Variants in VRK2 observed in about 807,000 individuals in gnomAD.
VRK2 encodes serine/threonine-protein kinase VRK2.
VRK2 carries 60 observed loss-of-function variants against 57.6 expected under a neutral mutation model. That is an observed-to-expected ratio of 1.04 (90% CI 0.85 to 1.29). The LOEUF is 1.29. Among genes scored for constraint, VRK2 ranks in the 50% most tolerant of loss-of-function variants. VRK2 has a pLI of 0.00. For synonymous variants in VRK2, 231 were observed against 199.2 expected, an observed-to-expected ratio of 1.16 and a Z score of -1.35; for missense variants, 705 against 588.1, an observed-to-expected ratio of 1.20 and a Z score of -2.06.
intron 7 of VRK2, among the ~76,000 whole-genome samples, chr2:58,089,961 G>T (rs1467162292): frequency 6.6e-6 from 1 of 152,166 alleles, no homozygotes; most frequent in Non-Finnish European, 1.5e-5. Flanking sequence ...TTAAGAAGTG[G>T]CTGAGCAGGA....
At position 58,015,634 on chromosome 2, in the gene VRK2, TAA is replaced by T. The variant is rs151210660; in HGVS notation, c.-438-10026_-438-10025del. Among the ~76,000 whole-genome samples, 40 of 152,270 alleles carry T rather than the reference TAA, an allele frequency of 2.6e-4. 1 individual carries two copies. Among genetic ancestry groups the T allele is most frequent in the Admixed American group, 1.2e-3 (18 of 15,296 alleles). On this transcript the variant is annotated intron_variant, in intron 1 of 15. Transcript: ENST00000417641. The stretch of plus-strand genomic sequence containing the variant: ...TTGTTATCATACATATTTATGTGTA[TAA>T]AAAATAAAATTTATTTAAGTGTTTT...
intron 7 of VRK2, among the ~76,000 whole-genome samples, chr2:58,112,342 CTCAAAAGATATTACT>C (rs1675692602): frequency 6.6e-6 from 1 of 152,212 alleles, no homozygotes; most frequent in Admixed American, 6.5e-5. Flanking sequence ...ATAATAGAAC[CTCAAAAGATATTACT>C]TCATTTCTTC....
chr2:58,019,897 T>C (rs1673697851), intron 1 of VRK2, among the ~76,000 whole-genome samples: 1 of 152,114 alleles, frequency 6.6e-6, no homozygotes, highest in Non-Finnish European at 1.5e-5. Context: ...AGAAGGCGAA[T>C]ACAAATACAC....
At chr2:57,958,707 C>T (rs1671664208) in intron 1 of VRK2, among the ~76,000 whole-genome samples, 1 of 152,030 alleles carries the variant, frequency 6.6e-6, no homozygotes, top group Non-Finnish European at 1.5e-5. Flanking sequence ...ATGATTTAGA[C>T]AGTATTCAGA....
At position 57,913,102 on chromosome 2, in the gene VRK2, G is replaced by A. The variant is rs560526872; in HGVS notation, c.-439+5263G>A. Among the ~76,000 whole-genome samples, 5 of 152,216 alleles carry A rather than the reference G, an allele frequency of 3.3e-5. No homozygotes were observed. In the South Asian group the frequency reaches 8.3e-4, roughly 25 times the overall value. On this transcript the variant is annotated intron_variant, in intron 1 of 15. Coordinates refer to the VRK2 transcript ENST00000417641. The stretch of plus-strand genomic sequence containing the variant: ...CAAATGCTTGTTGTTTAAACCATAC[G>A]GTCTATGATATTTTTGTTATAGCAG...
At chr2:58,140,879 A>G (rs565961140) in intron 11 of VRK2, among the ~76,000 whole-genome samples, 1 of 152,192 alleles carries the variant, frequency 6.6e-6, no homozygotes, top group African/African-American at 2.4e-5. Context: ...AATCATTCCT[A>G]ATAGAAGAGA....
intron 12 of VRK2, among the ~76,000 whole-genome samples, chr2:58,158,186 A>G (rs1684285183): frequency 6.6e-6 from 1 of 152,162 alleles, no homozygotes; most frequent in African/African-American, 2.4e-5. Context: ...ATTTGATAGC[A>G]TAATTATTAT....
chr2:58,064,544 C>G (rs10203014), intron 2 of VRK2, among the ~76,000 whole-genome samples: 1 of 152,028 alleles, frequency 6.6e-6, no homozygotes, highest in Non-Finnish European at 1.5e-5. Context: ...TAATAAACTA[C>G]AGTATAGTGT....
chr2:58,041,556 G>GA (rs1674456516), intron 3 of VRK2, among the ~76,000 whole-genome samples: 2 of 151,732 alleles, frequency 1.3e-5, no homozygotes. Context: ...ACCAGGCCCT[G>GA]AAAAAAAATG....
At chr2:58,071,190 G>A (rs1008135138) in intron 2 of VRK2, among the ~76,000 whole-genome samples, 2 of 151,814 alleles carry the variant, frequency 1.3e-5, no homozygotes, top group African/African-American at 4.8e-5. Context: ...AGAATATTTT[G>A]TATATTTTTG....
intron 7 of VRK2, among the ~76,000 whole-genome samples, chr2:58,114,822 T>C (rs1413457087): frequency 1.3e-5 from 2 of 151,086 alleles, no homozygotes; most frequent in Admixed American, 1.3e-4. Flanking sequence ...GAAATGACTG[T>C]GGTGGCCTTC....
chr2:58,101,569 GCT>G (rs1349931730), intron 7 of VRK2, among the ~76,000 whole-genome samples: 1 of 151,544 alleles, frequency 6.6e-6, no homozygotes, highest in Non-Finnish European at 1.5e-5. Flanking sequence ...TTGTACTTAA[GCT>G]CTCTTTTTCT....
intron 1 of VRK2, among the ~76,000 whole-genome samples, chr2:58,002,652 G>C (rs1433560944): frequency 6.6e-6 from 1 of 152,034 alleles, no homozygotes; most frequent in Non-Finnish European, 1.5e-5. Flanking sequence ...AATTTGCATA[G>C]GTGGAAGCTC....
intron 7 of VRK2, among the ~76,000 whole-genome samples, chr2:58,110,053 TG>T (rs1349612012): frequency 6.6e-6 from 1 of 152,138 alleles, no homozygotes; most frequent in African/African-American, 2.4e-5. Flanking sequence ...ATGGCATACC[TG>T]TGTACAAATC....
intron 2 of VRK2, among the ~76,000 whole-genome samples, chr2:58,060,373 TG>T (rs1392169891): frequency 1.3e-5 from 2 of 151,784 alleles, no homozygotes; most frequent in Non-Finnish European, 3.0e-5. Flanking sequence ...AGTATTTTTT[TG>T]GGGAGGGGAG....
intron 7 of VRK2, among the ~76,000 whole-genome samples, chr2:58,111,378 G>A (rs1367311542): frequency 6.6e-6 from 1 of 152,158 alleles, no homozygotes; most frequent in Admixed American, 6.5e-5. Flanking sequence ...AGGGAAGCAG[G>A]TAAGGCTGTC....
At chr2:58,090,550 T>G (rs1047839992) in intron 7 of VRK2, among the ~76,000 whole-genome samples, 1 of 152,194 alleles carries the variant, frequency 6.6e-6, no homozygotes, top group African/African-American at 2.4e-5. Flanking sequence ...TACCAACTGC[T>G]GATGAGTATT....
At chr2:58,086,894 C>T (rs557182945) in intron 5 of VRK2, among the ~76,000 whole-genome samples, 15 of 152,218 alleles carry the variant, frequency 9.9e-5, no homozygotes, top group Admixed American at 6.5e-4. Context: ...AGGAAGTCAT[C>T]GTTTTTTGTA....
At chr2:57,920,124 G>T (rs564549228) in intron 1 of VRK2, among the ~76,000 whole-genome samples, 87 of 152,080 alleles carry the variant, frequency 5.7e-4, no homozygotes, top group African/African-American at 2.0e-3. Flanking sequence ...CTAACTTATT[G>T]CTTAGCTAAT....
Sources: allele counts gnomAD v4.1 joint callset (sites outside exome capture counted in the v4.1 genomes callset), GRCh38; gene constraint gnomAD v4.1.1; transcripts MANE v1.5; gene names NCBI Gene and HGNC (gene_info 2026-07-23, HGNC 2026-07-21).